The following SLIT1 variants were observed in gnomAD, a reference collection of about 807,000 sequenced individuals.
The protein encoded by SLIT1 is slit guidance ligand 1.
A neutral mutation model predicts 186.1 loss-of-function variants in SLIT1; 66 were observed. The observed-to-expected ratio is 0.35, with a 90% CI of 0.29 to 0.44. The LOEUF is 0.44. SLIT1 is among the 20% of genes least tolerant of loss of function. SLIT1 has a pLI of 1.00. For synonymous variants in SLIT1, 761 were observed against 833.8 expected (o/e 0.91, Z 1.50); for missense variants, 1,638 against 2,037.4 (o/e 0.80, Z 3.77).
intron 1 of SLIT1, among the ~76,000 whole-genome samples, chr10:97,175,415 T>A (rs547760253): frequency 2.8e-4 from 42 of 152,162 alleles, no homozygotes; most frequent in Non-Finnish European, 5.7e-4. Context: ...TACTTTGAAG[T>A]GAAATTGCTG....
chr10:97,083,293 G>A (rs150644017), intron 4 of SLIT1, among the ~76,000 whole-genome samples: 2 of 152,240 alleles, frequency 1.3e-5, no homozygotes, highest in Non-Finnish European at 2.9e-5. Flanking sequence ...ATGTAACTGA[G>A]GCATAGTAAC....
intron 22 of SLIT1, among the ~76,000 whole-genome samples, chr10:97,035,392 G>T (rs1311912367): frequency 6.6e-6 from 1 of 151,746 alleles, no homozygotes; most frequent in Non-Finnish European, 1.5e-5. Flanking sequence ...CTCAAACTCC[G>T]CCCGCATCTT....
intron 22 of SLIT1, among the ~76,000 whole-genome samples, chr10:97,036,394 C>T (rs2134615698): frequency 6.6e-6 from 1 of 152,310 alleles, no homozygotes; most frequent in African/African-American, 2.4e-5. Flanking sequence ...ATTCAACACA[C>T]ATTGGCCAGG....
intron 4 of SLIT1, among the ~76,000 whole-genome samples, chr10:97,112,080 G>A (rs542991284): frequency 2.0e-5 from 3 of 152,214 alleles, no homozygotes; most frequent in South Asian, 4.2e-4. Context: ...AACTTATCAC[G>A]TTCCCTTCGC....
intron 4 of SLIT1, among the ~76,000 whole-genome samples, chr10:97,075,004 C>T (rs1849033066): frequency 6.6e-6 from 1 of 152,234 alleles, no homozygotes; most frequent in Admixed American, 6.5e-5. Context: ...GGCTGCTGGG[C>T]ACCTGCCAAG....
chr10:97,024,280 T>C (rs1848526640), intron 25 of SLIT1, among the ~76,000 whole-genome samples: 1 of 152,158 alleles, frequency 6.6e-6, no homozygotes, highest in African/African-American at 2.4e-5. Context: ...TTCACAATCT[T>C]ATAAAGCAGG....
chr10:97,070,165 C>T (rs1470290600), intron 4 of SLIT1, among the ~76,000 whole-genome samples: 2 of 152,228 alleles, frequency 1.3e-5, no homozygotes, highest in East Asian at 3.9e-4. Flanking sequence ...GATGCAATCT[C>T]ATGAAAAACC....
intron 4 of SLIT1, among the ~76,000 whole-genome samples, chr10:97,146,583 G>A (rs932113643): frequency 7.8e-6 from 1 of 127,398 alleles, no homozygotes; most frequent in Non-Finnish European, 1.8e-5. Flanking sequence ...ACACCTCCCA[G>A]TAGATTTTAT....
At position 97,004,773 on chromosome 10, in the gene SLIT1, G is replaced by A; in HGVS notation, c.3630C>T (p.Asp1210=). 1 of 1,614,154 alleles carries A rather than the reference G, an allele frequency of 6.2e-7. No individual in the cohort carries two copies. Among genetic ancestry groups the A allele is most frequent in the Non-Finnish European group, 8.5e-7 (1 of 1,179,994 alleles). The part of the protein sequence containing the change: ...NGILLYNGDN[D]HIAVELYQGH... ...CCTGGTACAGCTCAACTGCAATGTG[G>A]TCGTTGTCCCCGTTGTACAGAAGGA... Residue 1210 remains aspartate (D), a synonymous_variant, in exon 33 of 37, where the codon GAC becomes GAT. Coordinates refer to ENST00000266058, the MANE Select transcript of SLIT1 (RefSeq NM_003061.3). The surrounding 1 kb of genome is among the most constrained non-coding windows in gnomAD (Gnocchi z 5.1).
Position 97,167,420 on chromosome 10 carries a change from T to C in SLIT1, c.198-2530A>G, listed in dbSNP as rs1326784180. Among the ~76,000 whole-genome samples, 11 of 152,240 alleles carry C rather than the reference T, an allele frequency of 7.2e-5. No individual in the cohort carries two copies. In the East Asian group the frequency reaches 2.1e-3, roughly 29 times the overall value. ...CAAACCTAAAACCACAAGGCACTTT[T>C]GGTTGTTGTTTTTCTATTATAAAAA... On this transcript the variant is annotated intron_variant, in intron 1 of 36. Transcript: ENST00000266058.
At chr10:97,065,199 A>G (rs960480899) in intron 5 of SLIT1, among the ~76,000 whole-genome samples, 7 of 152,108 alleles carry the variant, frequency 4.6e-5, no homozygotes, top group Non-Finnish European at 8.8e-5. Flanking sequence ...GGGTGCTGGC[A>G]GCTGGAAAAT....
intron 4 of SLIT1, among the ~76,000 whole-genome samples, chr10:97,078,307 C>T (rs756081076): frequency 5.9e-5 from 9 of 151,938 alleles, no homozygotes; most frequent in Non-Finnish European, 1.0e-4. Context: ...GAGAGGTGCG[C>T]CCCTTCCCTG....
At chr10:97,048,134 G>A in intron 14 of SLIT1, 138 bp from the exon 15 acceptor site, 1 of 914,920 alleles carries the variant, frequency 1.1e-6, no homozygotes, top group Non-Finnish European at 1.8e-6. Context: ...CCTGTGTGCA[G>A]AAGGGCGAGC....
intron 4 of SLIT1, among the ~76,000 whole-genome samples, chr10:97,118,763 A>G (rs1849531873): frequency 6.6e-6 from 1 of 152,158 alleles, no homozygotes; most frequent in Non-Finnish European, 1.5e-5. Flanking sequence ...TCTGAACTAT[A>G]CATAATTTCC....
intron 25 of SLIT1, among the ~76,000 whole-genome samples, chr10:97,027,149 C>A (rs1564656575): frequency 1.3e-5 from 2 of 152,204 alleles, no homozygotes; most frequent in African/African-American, 4.8e-5. Flanking sequence ...CTGGCTAACC[C>A]TCGATTGTCA....
chr10:97,042,806 G>A, intron 20 of SLIT1, 95 bp downstream of exon 20: 1 of 1,353,388 alleles, frequency 7.4e-7, no homozygotes, highest in East Asian at 2.3e-5. Context: ...ATGCCAGGGG[G>A]TGCTGCCTGT....
chr10:97,117,008 A>G (rs1033431601), intron 4 of SLIT1, among the ~76,000 whole-genome samples: 3 of 152,188 alleles, frequency 2.0e-5, no homozygotes, highest in Admixed American at 6.5e-5. Context: ...CTTGGTCCAC[A>G]GTCAGTACCC....
At chr10:97,057,129 C>T in intron 12 of SLIT1, 81 bp downstream of exon 12, 1 of 1,094,368 alleles carries the variant, frequency 9.1e-7, no homozygotes, top group South Asian at 1.3e-5. Flanking sequence ...CCAAGAGAGG[C>T]CTAAAGGGAC....
At chr10:97,025,021 G>C (rs937896741) in intron 25 of SLIT1, among the ~76,000 whole-genome samples, 1 of 152,212 alleles carries the variant, frequency 6.6e-6, no homozygotes, top group African/African-American at 2.4e-5. Context: ...TGTAGTCCCA[G>C]CACTTTGGGA....
Sources: allele counts gnomAD v4.1 joint callset (sites outside exome capture counted in the v4.1 genomes callset), GRCh38; gene constraint gnomAD v4.1.1; non-coding constraint Gnocchi (gnomAD v3.1); transcripts MANE v1.5; gene names NCBI Gene and HGNC (gene_info 2026-07-23, HGNC 2026-07-21).